SRCAP: variants seen among roughly 807,000 people sequenced by gnomAD.
SRCAP encodes Snf2 related CREBBP activator protein.
SRCAP carries 46 observed loss-of-function variants against 263.1 expected under a neutral mutation model. The observed-to-expected ratio is 0.17, with a 90% confidence interval of 0.14 to 0.22. SRCAP has a LOEUF of 0.22. SRCAP is among the 10% of genes least tolerant of loss of function. The probability of loss-of-function intolerance (pLI) is 1.00; values close to 1 mark genes in which losing one functional copy is unlikely to be tolerated. For synonymous variants in SRCAP, 1,813 were observed against 1,662.1 expected, an observed-to-expected ratio of 1.09 and a Z score of -2.21; for missense variants, 3,695 against 4,181.9, an observed-to-expected ratio of 0.88 and a Z score of 3.21.
Position 30,707,189 on chromosome 16 carries a change from G to A in SRCAP, c.313G>A (p.Glu105Lys), listed in dbSNP as rs764572800. Residue 105 changes from glutamate to lysine, a missense_variant, in exon 5 of 34, where the codon GAG becomes AAG. Physicochemically the swap from Glu to Lys is moderately conservative, Grantham distance 56. Coordinates refer to ENST00000262518, the MANE Select transcript of SRCAP (RefSeq NM_006662.3). The stretch of plus-strand genomic sequence containing the variant: ...TCTGGCTCTCCCTGATTAGGAGGCC[G>A]AGATCGAGACTCGGATTGCTGAGCT... ...EIAEQAKHEA[E>K]IETRIAELRK... 5.6e-6 allele frequency: 9 copies of A among 1,614,000 alleles called. No homozygotes were observed. The highest frequency in any genetic ancestry group is 3.3e-5 in the South Asian group (3 of 91,084).
At chr16:30,735,854 T>C (rs991598770) in intron 31 of SRCAP, among the ~76,000 whole-genome samples, 2 of 151,878 alleles carry the variant, frequency 1.3e-5, no homozygotes, top group African/African-American at 4.8e-5. Context: ...GCTGCAATTA[T>C]AGGATTGAGC....
At position 30,712,781 on chromosome 16, in the gene SRCAP, A is replaced by G. The variant is rs776006543; in HGVS notation, c.2096A>G (p.Tyr699Cys). ...CCCAGCTTTAAAATCCTCACTTACT[A>G]TGGAGCCCAGAAAGAGAGGAAGCTC... ...WCPSFKILTY[Y>C]GAQKERKLKR... The change falls in exon 14 of 34, where the codon TAT becomes TGT. Residue 699 changes from tyrosine (Y) to cysteine (C), a missense_variant. By Grantham distance (194) the Tyr-to-Cys change is radical (BLOSUM62 -2). Around this residue, in one of 12 missense-constraint regions of SRCAP, gnomAD observed 121 missense variants for 330.7 expected, o/e 0.37. Coordinates refer to ENST00000262518, the MANE Select transcript of SRCAP (RefSeq NM_006662.3). The G allele has an allele frequency of 1.2e-6, 2 of 1,614,136 alleles. No homozygotes were observed. The highest frequency in any genetic ancestry group is 8.5e-7 in the Non-Finnish European group (1 of 1,180,018).
At chr16:30,721,002 T>TG (rs1282877857) in intron 20 of SRCAP, 24 bp downstream of exon 20, 1 of 1,575,778 alleles carries the variant, frequency 6.3e-7, no homozygotes, top group Admixed American at 1.8e-5. Flanking sequence ...GAGCCAAGGA[T>TG]GATGCGTGGT....
Position 30,724,445 on chromosome 16 carries a change from G to T in SRCAP, c.5021G>T (p.Ser1674Ile), listed in dbSNP as rs773927316. The T allele has an allele frequency of 6.2e-7, 1 of 1,614,162 alleles. No individual in the cohort carries two copies. Among genetic ancestry groups the T allele is most frequent in the South Asian group, 1.1e-5 (1 of 91,084 alleles). ...LPAPVPSPLP[S>I]PASTQTLALA... ...GCCCCGGTTCCGTCACCTCTCCCGAGCCCGGCTTCTACGCAGACACTGGCC... is the reference window on the plus strand; with the variant it reads ...GCCCCGGTTCCGTCACCTCTCCCGATCCCGGCTTCTACGCAGACACTGGCC... Residue 1674 changes from serine to isoleucine, a missense_variant, in exon 25 of 34, where the codon AGC (serine) becomes ATC (isoleucine). By Grantham distance (142) the Ser-to-Ile change is moderately radical (BLOSUM62 -2). Transcript: ENST00000262518.
chr16:30,723,614 T>C lies in SRCAP; in HGVS notation c.4190T>C (p.Ile1397Thr). The C allele has an allele frequency of 6.2e-7, 1 of 1,613,490 alleles. No individual in the cohort carries two copies. ...GCCCCCGGAGCTGCCCCCTTGACCA[T>C]CTCTTCTCCTCTCCACGTGCCATCC... ...ASAPGAAPLT[I>T]SSPLHVPSSL... is the part of the protein sequence containing the mutation. The change falls in exon 25 of 34, where the codon ATC becomes ACC. Residue 1397 changes from isoleucine (I) to threonine (T), a missense_variant. This residue lies in a region of SRCAP where 1,347 missense variants were observed against 1,304.4 expected (regional missense o/e 1.03). Coordinates refer to ENST00000262518, the MANE Select transcript of SRCAP (RefSeq NM_006662.3).
At chr16:30,714,024 A>G (rs2052919147) in intron 16 of SRCAP, among the ~76,000 whole-genome samples, 1 of 146,582 alleles carries the variant, frequency 6.8e-6, no homozygotes, top group Non-Finnish European at 1.5e-5. Flanking sequence ...CAGCCTCCCG[A>G]GTAGCCAGGA....
chr16:30,702,644 C>G (rs1323881569), intron 3 of SRCAP, among the ~76,000 whole-genome samples: 1 of 139,332 alleles, frequency 7.2e-6, no homozygotes, highest in African/African-American at 2.6e-5. Flanking sequence ...TCCTTCTCTC[C>G]CTCCTTCCTT....
chr16:30,721,968 A>T (rs1168695647), intron 21 of SRCAP, among the ~76,000 whole-genome samples, 154 bp from the exon 22 acceptor site: 1 of 152,164 alleles, frequency 6.6e-6, no homozygotes, highest in Admixed American at 6.5e-5. Flanking sequence ...CAAAGGCTGT[A>T]GGTGGAGGCT....
chr16:30,702,949 A>C (rs2052785208), intron 3 of SRCAP, among the ~76,000 whole-genome samples: 2 of 151,852 alleles, frequency 1.3e-5, no homozygotes, highest in African/African-American at 4.8e-5. Flanking sequence ...AACATTGGCT[A>C]TGCCTGCAGC....
At chr16:30,701,636 CTTT>C (rs35698444) in intron 3 of SRCAP, among the ~76,000 whole-genome samples, 3 of 136,744 alleles carry the variant, frequency 2.2e-5, no homozygotes, top group Admixed American at 7.3e-5. Flanking sequence ...TTTTTCTTTT[CTTT>C]TTTTTTTTTT....
chr16:30,712,233 T>C (rs2052899747), intron 12 of SRCAP, 29 bp from the exon 13 acceptor site: 2 of 1,593,462 alleles, frequency 1.3e-6, no homozygotes, highest in African/African-American at 1.4e-5. Flanking sequence ...CTCATTTCCA[T>C]TGTGTTACCT....
intron 3 of SRCAP, among the ~76,000 whole-genome samples, chr16:30,702,831 C>G (rs1262195719): frequency 2.6e-5 from 4 of 151,360 alleles, no homozygotes; most frequent in African/African-American, 7.3e-5. Flanking sequence ...GTCTGGAACT[C>G]CTGACCATGT....
chr16:30,703,495 A>G (rs1310223740), intron 3 of SRCAP, among the ~76,000 whole-genome samples: 1 of 150,574 alleles, frequency 6.6e-6, no homozygotes, highest in Admixed American at 6.6e-5. Flanking sequence ...CCCCCGGCCT[A>G]TATATATATA....
Position 30,711,617 on chromosome 16 carries a change from T to C in SRCAP, c.1365T>C (p.Tyr455=). The part of the protein sequence containing the change: ...EELLQQYAGA[Y]APGSGSSEDE... ...TATTGCAGCAGTATGCAGGAGCCTATGCCCCAGGCTCTGGGAGCAGTGAAG... is the reference window on the plus strand; with the variant it reads ...TATTGCAGCAGTATGCAGGAGCCTACGCCCCAGGCTCTGGGAGCAGTGAAG... The change falls in exon 11 of 34, where the codon TAT becomes TAC. Residue 455 remains tyrosine, a synonymous_variant. Transcript: ENST00000262518. The C allele has an allele frequency of 6.2e-7, 1 of 1,612,816 alleles. No homozygotes were observed. The highest frequency in any genetic ancestry group is 8.5e-7 in the Non-Finnish European group (1 of 1,179,580).
chr16:30,724,315 G>A lies in SRCAP; in HGVS notation c.4891G>A (p.Val1631Ile). The A allele has an allele frequency of 1.2e-6, 2 of 1,614,122 alleles. No individual in the cohort carries two copies. Among genetic ancestry groups the A allele is most frequent in the Non-Finnish European group, 1.7e-6 (2 of 1,180,020 alleles). Reference sequence around the variant, plus strand: ...GGCTTCATCACAGACTCCGGTTCCAGTTATGGCTCCATCGTCTACTCCAGG... The same window carrying A: ...GGCTTCATCACAGACTCCGGTTCCAATTATGGCTCCATCGTCTACTCCAGG... ...VLASSQTPVP[V>I]MAPSSTPGTS... is the part of the protein sequence containing the mutation. Residue 1631 changes from valine to isoleucine, a missense_variant, in exon 25 of 34, where the codon GTT becomes ATT. Around this residue, in one of 12 missense-constraint regions of SRCAP, gnomAD observed 1,347 missense variants for 1,304.4 expected, o/e 1.03. Transcript: ENST00000262518.
rs201373670 is a variant in SRCAP at position 30,737,632 on chromosome 16, C to T, written c.7592C>T (p.Pro2531Leu). ...CCTTCCTCTCCTCTCTTGCTTGGTC[C>T]ACCTTCTGTGCCCATCTCTGCCTCA... is the stretch of plus-strand genomic sequence containing the variant. ...VTPSSPLLLGPPSVPISASVT... is the reference protein window; with the variant it reads ...VTPSSPLLLGLPSVPISASVT... Residue 2531 changes from proline to leucine, a missense_variant, in exon 34 of 34, where the codon CCA (proline) becomes CTA (leucine). Pro to Leu is a moderately conservative substitution (Grantham distance 98). Transcript: ENST00000262518. 2 of 1,614,046 alleles carry T rather than the reference C, an allele frequency of 1.2e-6. No homozygotes were observed. Among genetic ancestry groups the T allele is most frequent in the Admixed American group, 1.7e-5 (1 of 60,016 alleles).
chr16:30,723,878 C>T lies in SRCAP; in HGVS notation c.4454C>T (p.Pro1485Leu). ...SVTPPLAPVV[P>L]AAPGPPSLAP... Reference sequence around the variant, plus strand: ...ACTCCACCATTGGCACCTGTTGTCCCAGCGGCTCCTGGACCTCCCTCCTTG... The same window carrying T: ...ACTCCACCATTGGCACCTGTTGTCCTAGCGGCTCCTGGACCTCCCTCCTTG... Residue 1485 changes from proline to leucine, a missense_variant, in exon 25 of 34, where the codon CCA becomes CTA. Coordinates refer to ENST00000262518, the MANE Select transcript of SRCAP (RefSeq NM_006662.3). The T allele has an allele frequency of 1.2e-6, 2 of 1,614,154 alleles. No individual in the cohort carries two copies. Among genetic ancestry groups the T allele is most frequent in the African/African-American group, 1.3e-5 (1 of 75,010 alleles).
Position 30,724,378 on chromosome 16 carries a change from A to G in SRCAP, c.4954A>G (p.Thr1652Ala), listed in dbSNP as rs763155329. Reference protein sequence around the residue: ...LASASPVPAPTPVLAPSSTQT... With the variant: ...LASASPVPAPAPVLAPSSTQT... The stretch of plus-strand genomic sequence containing the variant: ...CTCAGCTTCACCGGTACCAGCTCCA[A>G]CCCCTGTGTTGGCTCCATCATCAAC... The change falls in exon 25 of 34, where the codon ACC becomes GCC. Residue 1652 changes from threonine to alanine, a missense_variant. Around this residue, in one of 12 missense-constraint regions of SRCAP, gnomAD observed 1,347 missense variants for 1,304.4 expected, o/e 1.03. Coordinates refer to ENST00000262518, the MANE Select transcript of SRCAP (RefSeq NM_006662.3). 27 of 1,613,490 alleles carry G rather than the reference A, an allele frequency of 1.7e-5. No homozygotes were observed. The highest frequency in any genetic ancestry group is 1.6e-4 in the Middle Eastern group (1 of 6,084).
chr16:30,718,258 C>T (rs1283669386), intron 18 of SRCAP, among the ~76,000 whole-genome samples: 1 of 152,062 alleles, frequency 6.6e-6, no homozygotes, highest in Non-Finnish European at 1.5e-5. Context: ...CTCATTGCAA[C>T]CTCTGCCTCC....
Sources: gnomAD v4.1 joint callset for allele counts (sites outside exome capture counted in the v4.1 genomes callset) on GRCh38, gnomAD v4.1.1 for gene constraint, gnomAD v4.1.1 regional missense constraint, MANE v1.5 for transcripts, NCBI Gene and HGNC (gene_info 2026-07-23, HGNC 2026-07-21) for gene names.